Variants in PRDM1 observed in about 807,000 individuals in gnomAD.
The protein encoded by PRDM1 is PR/SET domain 1, also known as PR domain zinc finger protein 1.
Under a neutral mutation model 62.8 loss-of-function variants are expected in PRDM1, and 13 were observed. The ratio of observed to expected loss-of-function variants is 0.21; its 90% CI spans 0.13 to 0.33. The LOEUF is 0.33. Ranked by LOEUF, PRDM1 falls within the 10% of genes least tolerant of loss-of-function variation. The pLI is 1.00. For missense variants in PRDM1, 895 were observed against 1,058.8 expected, an observed-to-expected ratio of 0.85 and a Z score of 2.15; for synonymous variants, 396 against 417.6, an observed-to-expected ratio of 0.95 and a Z score of 0.63.
At chr6:106,085,229 T>C (rs544738391), upstream of PRDM1, among the ~76,000 whole-genome samples, 10 of 152,236 alleles carry the variant, frequency 6.6e-5, no homozygotes, top group East Asian at 1.9e-3. Flanking sequence ...TGCACACGTG[T>C]ATTTAAAATG....
rs5878868 is a variant in PRDM1, at chr6:106,108,521, CTTTTTTTTTTTT to C, written c.*1045_*1056del. On this transcript the variant is annotated 3_prime_UTR_variant, in exon 7 of 7. Transcript: ENST00000369096. ...GGTGTTTTGTTGTTGGTTTTTGTTG[CTTTTTTTTTTTT>C]TTTTTTTTTAATGTCAAAATTGCAC... The C allele has an allele frequency of 7.4e-6, 1 of 135,152 alleles. No individual in the cohort carries two copies. Among genetic ancestry groups the C allele is most frequent in the African/African-American group, 4.3e-5 (1 of 23,384 alleles). 8.4% of individuals were successfully genotyped at this position (135,152 alleles called of 1,614,324 possible). A position where few individuals can be genotyped will look rare whatever the true frequency, so the allele number is the denominator to read the frequency against.
intron 1 of PRDM1, among the ~76,000 whole-genome samples, chr6:106,056,871 T>G (rs981857717): frequency 1.3e-4 from 4 of 30,982 alleles, no homozygotes; most frequent in Non-Finnish European, 2.8e-4. Flanking sequence ...TGTTTGTTAT[T>G]TGGCTTGGGA....
At chr6:106,095,838 G>A in intron 3 of PRDM1, 104 bp downstream of exon 3, 1 of 1,298,186 alleles carries the variant, frequency 7.7e-7, no homozygotes. Flanking sequence ...AAATGCTGGG[G>A]CTCACCCATA....
At chr6:106,083,140 C>T (rs1344010153), upstream of PRDM1, among the ~76,000 whole-genome samples, 1 of 148,474 alleles carries the variant, frequency 6.7e-6, no homozygotes, top group Non-Finnish European at 1.5e-5. Flanking sequence ...CTCTCAGGCT[C>T]AGGCTTACAG....
At chr6:106,051,120 T>C (rs1473802507) in intron 1 of PRDM1, among the ~76,000 whole-genome samples, 1 of 152,234 alleles carries the variant, frequency 6.6e-6, no homozygotes, top group Non-Finnish European at 1.5e-5. Flanking sequence ...ATCCAGTTTG[T>C]GTATTTTTTT....
chr6:106,026,007 C>T (rs1269515498), intron 1 of PRDM1, among the ~76,000 whole-genome samples: 1 of 152,162 alleles, frequency 6.6e-6, no homozygotes, highest in Non-Finnish European at 1.5e-5. Flanking sequence ...CCCTCATATT[C>T]TCTAACACAT....
rs111571788 is a variant in PRDM1 at position 106,017,905 on chromosome 6, T to C, written c.-67+24266T>C. On this transcript the variant is annotated intron_variant, in intron 1 of 6. Transcript: ENST00000652320. ...TGTGGGTGGGAAAGTTCTTTCTTAT[T>C]TCAAACGTGTGCCTCTGGCTTTTGG... Among the ~76,000 whole-genome samples, 379 of 152,282 alleles carry C rather than the reference T, an allele frequency of 2.5e-3. 1 individual carries two copies. Among genetic ancestry groups the C allele is most frequent in the Non-Finnish European group, 4.3e-3 (290 of 68,026 alleles).
At chr6:106,104,595 T>C (rs1774387336) in intron 4 of PRDM1, among the ~76,000 whole-genome samples, 1 of 152,214 alleles carries the variant, frequency 6.6e-6, no homozygotes, top group Admixed American at 6.5e-5. Context: ...GGCTGCTGTT[T>C]GTTCTGTCTG....
Position 106,021,012 on chromosome 6 carries a change from TA to T in PRDM1, c.-67+27374del, listed in dbSNP as rs537733932. Among the ~76,000 whole-genome samples the T allele has an allele frequency of 1.0e-3, 159 of 152,344 alleles. 1 individual carries two copies. Among genetic ancestry groups the T allele is most frequent in the Non-Finnish European group, 3.2e-4 (22 of 68,028 alleles). ...TTTTCTTGGTATGGATTTGGGCTCT[TA>T]TTATAAAAGACTAGCATTAATAAGT... On this transcript the variant is annotated intron_variant, in intron 1 of 6. Transcript: ENST00000652320.
At chr6:106,075,977 A>G (rs189121289) in intron 1 of PRDM1, among the ~76,000 whole-genome samples, 1 of 151,280 alleles carries the variant, frequency 6.6e-6, no homozygotes, top group Admixed American at 6.6e-5. Flanking sequence ...TTTGAGACAG[A>G]GTCTGGCTCT....
intron 1 of PRDM1, among the ~76,000 whole-genome samples, chr6:106,069,979 G>A (rs1039280805): frequency 5.3e-5 from 8 of 152,148 alleles, no homozygotes; most frequent in African/African-American, 1.9e-4. Context: ...TTCCCTCTCC[G>A]CATCCACCAC....
At chr6:106,097,113 T>G (rs933399990) in intron 3 of PRDM1, among the ~76,000 whole-genome samples, 5 of 152,340 alleles carry the variant, frequency 3.3e-5, no homozygotes, top group Non-Finnish European at 4.4e-5. Context: ...TGCTCACAAT[T>G]TTTATTTAAT....
In PRDM1 at chr6:106,105,828, G is replaced by T. The variant is rs2114658220; in HGVS notation, c.1668G>T (p.Met556Ile). 6.2e-7 allele frequency: 1 copy of T among 1,614,162 alleles called. No homozygotes were observed. Among genetic ancestry groups the T allele is most frequent in the Non-Finnish European group, 8.5e-7 (1 of 1,180,020 alleles). ...AMNLIKNKRN[M>I]TGYKTLPYPL... ...ATCTCATTAAAAACAAAAGAAACAT[G>T]ACCGGCTACAAGACCCTTCCCTACC... The change falls in exon 5 of 7, where the codon ATG (methionine) becomes ATT (isoleucine). Residue 556 changes from methionine to isoleucine, a missense_variant. Transcript: ENST00000369096.
chr6:106,109,925 A>G lies in PRDM1; in HGVS notation c.*2439A>G, dbSNP rs913994439. The G allele has an allele frequency of 2.7e-5, 6 of 222,418 alleles. No individual in the cohort carries two copies. The highest frequency in any genetic ancestry group is 1.3e-4 in the African/African-American group (6 of 44,742). 13.8% of individuals were successfully genotyped at this position (222,418 alleles called of 1,614,324 possible). ...AAATGTAAATTAAATATAAATGTTC[A>G]TGCTTTACCAAAATTTGTCTAGTGT... On this transcript the variant is annotated 3_prime_UTR_variant, in exon 7 of 7. Transcript: ENST00000369096.
chr6:106,088,280 T>C lies in PRDM1; in HGVS notation c.122T>C (p.Met41Thr). ...ACCAAGGGGACCATGAAAATGGACA[T>C]GGAGGATGCGGATATGACTCTGTGG... ...EGTKGTMKMD[M>T]EDADMTLWTE... Residue 41 changes from methionine (M) to threonine (T), a missense_variant, in exon 2 of 7, where the codon ATG becomes ACG. Around this residue, in one of 4 missense-constraint regions of PRDM1, gnomAD observed 213 missense variants for 283.9 expected, o/e 0.75. Transcript: ENST00000369096. 2 of 1,614,012 alleles carry C rather than the reference T, an allele frequency of 1.2e-6. No individual in the cohort carries two copies. Among genetic ancestry groups the C allele is most frequent in the Non-Finnish European group, 1.7e-6 (2 of 1,179,996 alleles).
At chr6:106,092,045 C>G (rs1773976830) in intron 2 of PRDM1, among the ~76,000 whole-genome samples, 1 of 144,320 alleles carries the variant, frequency 6.9e-6, no homozygotes, top group Admixed American at 7.4e-5. Context: ...AGAGGATGAT[C>G]AGATGACATT....
chr6:106,043,973 C>A (rs371644411), upstream of PRDM1, among the ~76,000 whole-genome samples: 2 of 152,206 alleles, frequency 1.3e-5, no homozygotes, highest in East Asian at 3.9e-4. Context: ...GCTAGGGAAT[C>A]TTTTTCCATT....
rs1172922971 is a variant in PRDM1 at position 106,086,416 on chromosome 6, C to G, written c.-138C>G. 5.7e-6 allele frequency: 4 copies of G among 702,032 alleles called. No individual in the cohort carries two copies. The Admixed American group carries it at 1.2e-4, about 21-fold the overall frequency. The allele number at this position is 702,032 out of a possible 1,614,324, so 43.5% of individuals were successfully genotyped here. A position where few individuals can be genotyped will look rare whatever the true frequency, so the allele number is the denominator to read the frequency against. ...GAGCAGCGACCGCGGCACCTGTCCG[C>G]CCGGAGCTGGGACGCGGGCGCCCGG... is the stretch of plus-strand genomic sequence containing the variant. On this transcript the variant is annotated 5_prime_UTR_variant, in exon 1 of 7. Transcript: ENST00000369096.
intron 1 of PRDM1, among the ~76,000 whole-genome samples, chr6:106,033,914 C>T (rs1209114113): frequency 6.6e-6 from 1 of 151,740 alleles, no homozygotes; most frequent in East Asian, 1.9e-4. Flanking sequence ...ATTTTTATTA[C>T]TCATTCATTC....
Sources: allele counts gnomAD v4.1 joint callset (sites outside exome capture counted in the v4.1 genomes callset), GRCh38; gene constraint gnomAD v4.1.1; regional missense constraint gnomAD v4.1.1; transcripts MANE v1.5; gene names NCBI Gene and HGNC (gene_info 2026-07-23, HGNC 2026-07-21).